Variants in TBC1D19 observed in about 807,000 individuals in gnomAD.
TBC1D19 encodes the protein TBC1 domain family member 19, also known as TBC1 domain family, member 19.
A neutral mutation model predicts 89.0 loss-of-function variants in TBC1D19; 60 were observed. The observed-to-expected ratio is 0.67, with a 90% CI of 0.55 to 0.84. TBC1D19 has a LOEUF of 0.84. TBC1D19 is among the 40% of genes least tolerant of loss of function. TBC1D19 has a pLI of 0.00. For synonymous variants in TBC1D19, 189 were observed against 199.7 expected, an observed-to-expected ratio of 0.95 and a Z score of 0.45; for missense variants, 500 against 610.8, an observed-to-expected ratio of 0.82 and a Z score of 1.91.
At chr4:26,733,536 C>T (rs572523739) in intron 15 of TBC1D19, among the ~76,000 whole-genome samples, 5 of 152,104 alleles carry the variant, frequency 3.3e-5, no homozygotes, top group African/African-American at 1.2e-4. Flanking sequence ...GACATCCAGT[C>T]CATGCCCTTA....
intron 16 of TBC1D19, among the ~76,000 whole-genome samples, chr4:26,735,779 G>A (rs530546205): frequency 3.9e-5 from 6 of 152,228 alleles, no homozygotes; most frequent in East Asian, 1.9e-4. Flanking sequence ...GGTGGCTCAC[G>A]CTTGTAATCT....
chr4:26,638,929 A>G, intron 6 of TBC1D19, 95 bp downstream of exon 6: 1 of 1,030,172 alleles, frequency 9.7e-7, no homozygotes, highest in Non-Finnish European at 1.4e-6. Context: ...TCTTTTGGGA[A>G]GATTGCAATT....
chr4:26,652,904 G>T (rs13128027), intron 7 of TBC1D19, among the ~76,000 whole-genome samples: 55,274 of 151,592 alleles, frequency 0.36, 11,365 homozygotes, highest in Non-Finnish European at 0.47. Context: ...TCTTGCCTTC[G>T]GCTAGCTTTT....
chr4:26,792,917 A>G, the TBC1D19 span, among the ~76,000 whole-genome samples: 4 of 152,204 alleles, frequency 2.6e-5, no homozygotes, highest in African/African-American at 9.7e-5. Context: ...CTGTTTTTCC[A>G]GGAAAATGGG....
the TBC1D19 span, among the ~76,000 whole-genome samples, chr4:26,847,367 A>G: frequency 2.0e-5 from 3 of 152,210 alleles, no homozygotes; most frequent in African/African-American, 7.2e-5. Context: ...TTGTCAGACA[A>G]GGCTCCACTG....
intron 13 of TBC1D19, among the ~76,000 whole-genome samples, chr4:26,710,782 A>C (rs76332257): frequency 0.18 from 27,627 of 152,122 alleles, 3,039 homozygotes; most frequent in Non-Finnish European, 0.25. Context: ...GATGGCAGTG[A>C]TGATGAGCAT....
At chr4:26,827,888 A>G in the TBC1D19 span, among the ~76,000 whole-genome samples, 1 of 151,992 alleles carries the variant, frequency 6.6e-6, no homozygotes, top group Admixed American at 6.6e-5. Context: ...GTGCCCAGCT[A>G]TTTTATTAGG....
chr4:26,782,444 G>A, the TBC1D19 span, among the ~76,000 whole-genome samples: 1 of 152,180 alleles, frequency 6.6e-6, no homozygotes, highest in African/African-American at 2.4e-5. Context: ...TTTCTTATCA[G>A]CTTGTCCAGA....
intron 4 of TBC1D19, among the ~76,000 whole-genome samples, chr4:26,633,381 C>T (rs574993659): frequency 4.0e-5 from 6 of 151,694 alleles, no homozygotes; most frequent in East Asian, 1.9e-4. Flanking sequence ...TGGTGTTCTG[C>T]GAGGTGAAGG....
chr4:26,607,604 T>C (rs1741093023), intron 1 of TBC1D19, among the ~76,000 whole-genome samples: 1 of 152,204 alleles, frequency 6.6e-6, no homozygotes, highest in South Asian at 2.1e-4. Flanking sequence ...TCAAACTGTG[T>C]TCTATTATAC....
chr4:26,606,063 G>A (rs1381687635), intron 1 of TBC1D19, among the ~76,000 whole-genome samples: 2 of 152,142 alleles, frequency 1.3e-5, no homozygotes, highest in Non-Finnish European at 2.9e-5. Flanking sequence ...TGCCCAGGTT[G>A]GTCTCAAAGT....
At chr4:26,806,811 G>C in the TBC1D19 span, among the ~76,000 whole-genome samples, 7 of 152,194 alleles carry the variant, frequency 4.6e-5, no homozygotes, top group Non-Finnish European at 8.8e-5. Flanking sequence ...GAAGAAACTC[G>C]TCTGACGGCA....
chr4:26,775,769 G>T, the TBC1D19 span, among the ~76,000 whole-genome samples: 1 of 152,118 alleles, frequency 6.6e-6, no homozygotes, highest in South Asian at 2.1e-4. Flanking sequence ...GCCAGGATTT[G>T]CTTGATCCTG....
intron 1 of TBC1D19, among the ~76,000 whole-genome samples, chr4:26,593,836 A>G (rs1422841816): frequency 2.0e-5 from 3 of 152,188 alleles, no homozygotes; most frequent in Non-Finnish European, 4.4e-5. Flanking sequence ...AAAGTCAGGA[A>G]ACAACAGGTG....
chr4:26,857,810 G>C, the TBC1D19 span: 6 of 152,502 alleles, frequency 3.9e-5, no homozygotes, highest in African/African-American at 1.4e-4. Flanking sequence ...GAGATAGGGA[G>C]CCCGACATTT....
intron 13 of TBC1D19, among the ~76,000 whole-genome samples, chr4:26,707,451 A>G (rs1715828808): frequency 6.6e-6 from 1 of 152,020 alleles, no homozygotes; most frequent in South Asian, 2.1e-4. Flanking sequence ...TCTCTTATAG[A>G]TCACATGTAG....
chr4:26,832,985 C>A, the TBC1D19 span, among the ~76,000 whole-genome samples: 3 of 152,044 alleles, frequency 2.0e-5, no homozygotes, highest in Non-Finnish European at 2.9e-5. Context: ...GAGAGCAAGA[C>A]CCTGTCTCAA....
chr4:26,746,546 C>T (rs1274039267), intron 18 of TBC1D19, among the ~76,000 whole-genome samples: 1 of 152,020 alleles, frequency 6.6e-6, no homozygotes, highest in Non-Finnish European at 1.5e-5. Flanking sequence ...TAATTTCCAT[C>T]TGGTTCTTCA....
At chr4:26,819,854 A>G in the TBC1D19 span, among the ~76,000 whole-genome samples, 1 of 152,092 alleles carries the variant, frequency 6.6e-6, no homozygotes, top group East Asian at 1.9e-4. Flanking sequence ...CAAGCTACTC[A>G]AATATCTCAT....
Sources: allele counts gnomAD v4.1 joint callset (sites outside exome capture counted in the v4.1 genomes callset), GRCh38; gene constraint gnomAD v4.1.1; transcripts MANE v1.5; gene names NCBI Gene and HGNC (gene_info 2026-07-23, HGNC 2026-07-21).